Variants in KATNIP observed in about 807,000 individuals in gnomAD.
KATNIP encodes katanin-interacting protein.
A neutral mutation model predicts 174.0 loss-of-function variants in KATNIP; 126 were observed. That is an observed-to-expected ratio of 0.72 (90% CI 0.63 to 0.84). The LOEUF (loss-of-function observed/expected upper bound fraction) is 0.84. Ranked by LOEUF, KATNIP falls within the 40% of genes least tolerant of loss-of-function variation. The pLI is 0.00. For synonymous variants in KATNIP, 810 were observed against 835.7 expected, an observed-to-expected ratio of 0.97 and a Z score of 0.53; for missense variants, 1,958 against 2,109.7, an observed-to-expected ratio of 0.93 and a Z score of 1.41.
chr16:27,754,951 G>A, intron 18 of KATNIP: 1 of 152,326 alleles, frequency 6.6e-6, no homozygotes, highest in Non-Finnish European at 1.5e-5. Flanking sequence ...CTTTTCCATT[G>A]ATCCTTCCAG....
chr16:27,749,540 A>G (rs927138880), intron 15 of KATNIP, 44 bp from the exon 16 acceptor site: 4 of 1,512,260 alleles, frequency 2.6e-6, no homozygotes, highest in East Asian at 2.3e-5. Context: ...ACTTCCACAC[A>G]TGCCACTCAC....
intron 1 of KATNIP, among the ~76,000 whole-genome samples, chr16:27,570,065 A>G (rs1012741788): frequency 6.6e-6 from 1 of 152,114 alleles, no homozygotes; most frequent in African/African-American, 2.4e-5. Flanking sequence ...ACATTTTAGT[A>G]GTTAAGCTCT....
chr16:27,596,899 T>C (rs781016357), intron 2 of KATNIP, among the ~76,000 whole-genome samples: 3 of 152,174 alleles, frequency 2.0e-5, no homozygotes, highest in Admixed American at 6.5e-5. Flanking sequence ...GGCGTGTGCC[T>C]ATAATCCCAG....
rs749729955 is a variant in KATNIP at position 27,749,844 on chromosome 16, G to A, written c.2884G>A (p.Ala962Thr). Reference protein sequence around the residue: ...GQDGYSGETDAGGDFKIPVLP... With the variant: ...GQDGYSGETDTGGDFKIPVLP... Reference sequence around the variant, plus strand: ...GGATGGCTACTCTGGAGAGACAGACGCTGGGGGTGACTTTAAAATCCCCGT... The same window carrying A: ...GGATGGCTACTCTGGAGAGACAGACACTGGGGGTGACTTTAAAATCCCCGT... Residue 962 changes from alanine to threonine, a missense_variant, in exon 16 of 28, where the codon GCT (alanine) becomes ACT (threonine). Transcript: ENST00000261588. 9 of 1,614,102 alleles carry A rather than the reference G, an allele frequency of 5.6e-6. No homozygotes were observed. The highest frequency in any genetic ancestry group is 4.4e-5 in the South Asian group (4 of 91,066).
At chr16:27,704,178 A>G (rs912128790) in intron 12 of KATNIP, among the ~76,000 whole-genome samples, 180 bp downstream of exon 12, 1 of 152,148 alleles carries the variant, frequency 6.6e-6, no homozygotes, top group Admixed American at 6.5e-5. Context: ...GGGTAGAGAA[A>G]GGAAGATGTA....
At chr16:27,768,110 T>G (rs186035720) in intron 20 of KATNIP, among the ~76,000 whole-genome samples, 336 of 152,220 alleles carry the variant, frequency 2.2e-3, no homozygotes, top group African/African-American at 7.6e-3. Flanking sequence ...AATGGGCACG[T>G]GGCCTGAGAT....
Position 27,677,980 on chromosome 16 carries a change from T to TA in KATNIP, c.794dup (p.Asn265LysfsTer8), listed in dbSNP as rs758557870. 6.2e-7 allele frequency: 1 copy of TA among 1,613,900 alleles called. No individual in the cohort carries two copies. Among genetic ancestry groups the TA allele is most frequent in the Non-Finnish European group, 8.5e-7 (1 of 1,179,754 alleles). ...CAGACACCCTCGTGGTGCTGGAATT[T>TA]AACCCAGCTTCCAAAAGTGAGCTCT... is the stretch of plus-strand genomic sequence containing the variant. On this transcript the variant is annotated frameshift_variant, in exon 7 of 28. Transcript: ENST00000261588. LOFTEE classifies it high-confidence loss of function.
At position 27,740,516 on chromosome 16, in the gene KATNIP, T is replaced by C. The variant is rs908506925; in HGVS notation, c.2219T>C (p.Met740Thr). ...PSLIQQLENL[M>T]GRKICEPPGK... ...CTCATCCAACAACTGGAAAACCTCATGGGCAGAAAAATCTGTGAGCCACCC... is the reference window on the plus strand; with the variant it reads ...CTCATCCAACAACTGGAAAACCTCACGGGCAGAAAAATCTGTGAGCCACCC... The change falls in exon 15 of 28, where the codon ATG (methionine) becomes ACG (threonine). Residue 740 changes from methionine (M) to threonine (T), a missense_variant. Met to Thr is a moderately conservative substitution (Grantham distance 81). Transcript: ENST00000261588. The C allele has an allele frequency of 1.2e-6, 2 of 1,614,118 alleles. No individual in the cohort carries two copies. The highest frequency in any genetic ancestry group is 8.5e-7 in the Non-Finnish European group (1 of 1,180,020).
intron 6 of KATNIP, among the ~76,000 whole-genome samples, chr16:27,668,730 G>T (rs1210741413): frequency 6.6e-6 from 1 of 152,218 alleles, no homozygotes; most frequent in Non-Finnish European, 1.5e-5. Flanking sequence ...AGGTGGCTGG[G>T]TGTGGTGGTT....
chr16:27,565,782 T>C (rs1295603414), intron 1 of KATNIP, among the ~76,000 whole-genome samples: 1 of 117,662 alleles, frequency 8.5e-6, no homozygotes, highest in Non-Finnish European at 1.8e-5. Flanking sequence ...AGATGTCTCA[T>C]AAAAAAAACA....
chr16:27,660,851 C>G (rs958735255), intron 6 of KATNIP, among the ~76,000 whole-genome samples: 1 of 152,098 alleles, frequency 6.6e-6, no homozygotes, highest in African/African-American at 2.4e-5. Context: ...AAACACCTTC[C>G]CCCATCCCAG....
At chr16:27,641,575 CAG>C (rs1264933164) in intron 5 of KATNIP, among the ~76,000 whole-genome samples, 1 of 152,194 alleles carries the variant, frequency 6.6e-6, no homozygotes, top group Non-Finnish European at 1.5e-5. Context: ...AAAGCGAAAA[CAG>C]GGTGCTTTTA....
chr16:27,749,846 T>C lies in KATNIP; in HGVS notation c.2886T>C (p.Ala962=), dbSNP rs986856950. 3 of 1,614,138 alleles carry C rather than the reference T, an allele frequency of 1.9e-6. No individual in the cohort carries two copies. Among genetic ancestry groups the C allele is most frequent in the Non-Finnish European group, 2.5e-6 (3 of 1,180,002 alleles). The change falls in exon 16 of 28, where the codon GCT becomes GCC. Residue 962 remains alanine (A), a synonymous_variant. Transcript: ENST00000261588. ...ATGGCTACTCTGGAGAGACAGACGCTGGGGGTGACTTTAAAATCCCCGTCT... is the reference window on the plus strand; with the variant it reads ...ATGGCTACTCTGGAGAGACAGACGCCGGGGGTGACTTTAAAATCCCCGTCT... ...GQDGYSGETD[A]GGDFKIPVLP... is the part of the protein sequence containing the mutation.
intron 2 of KATNIP, among the ~76,000 whole-genome samples, chr16:27,602,043 A>G (rs2075543830): frequency 2.0e-5 from 3 of 152,178 alleles, no homozygotes; most frequent in African/African-American, 2.4e-5. Flanking sequence ...GACAGGTAAA[A>G]GTGGCCCTAA....
At chr16:27,757,747 C>T (rs186577695) in intron 18 of KATNIP, among the ~76,000 whole-genome samples, 19 of 152,312 alleles carry the variant, frequency 1.2e-4, no homozygotes, top group African/African-American at 4.3e-4. Context: ...TCACCGTATT[C>T]AAAATCCTCA....
At chr16:27,708,330 G>A (rs912466411) in intron 12 of KATNIP, 9 of 184,598 alleles carry the variant, frequency 4.9e-5, no homozygotes, top group African/African-American at 1.9e-4. Context: ...GCCTTAGCAC[G>A]TAACACCTAC....
chr16:27,573,848 A>C (rs1006980033), intron 1 of KATNIP, 53 bp from the exon 2 acceptor site: 1 of 1,548,830 alleles, frequency 6.5e-7, no homozygotes, highest in African/African-American at 1.4e-5. Flanking sequence ...GTGTTGATAA[A>C]CTAGCTGTTC....
Position 27,703,974 on chromosome 16 carries a change from C to A in KATNIP, c.1365C>A (p.Thr455=). ...ATCTCGGCAGGGTGGTTTCACCAAC[C>A]AAGGAGCAAGTATCAGACACAGAGG... ...SAHLGRVVSP[T]KEQVSDTEDK... is the part of the protein sequence containing the mutation. The change falls in exon 12 of 28, where the codon ACC becomes ACA. Residue 455 remains threonine (T), a synonymous_variant. Coordinates refer to ENST00000261588, the MANE Select transcript of KATNIP (RefSeq NM_015202.5). The A allele has an allele frequency of 6.2e-7, 1 of 1,614,082 alleles. No individual in the cohort carries two copies. The highest frequency in any genetic ancestry group is 8.5e-7 in the Non-Finnish European group (1 of 1,179,944).
intron 2 of KATNIP, among the ~76,000 whole-genome samples, chr16:27,612,714 G>A (rs569102961): frequency 7.2e-5 from 11 of 151,744 alleles, no homozygotes; most frequent in Non-Finnish European, 1.5e-4. Flanking sequence ...AGCCAAGATC[G>A]CACCACTGAA....
Sources: gnomAD v4.1 joint callset for allele counts (sites outside exome capture counted in the v4.1 genomes callset) on GRCh38, gnomAD v4.1.1 for gene constraint, MANE v1.5 for transcripts, NCBI Gene and HGNC (gene_info 2026-07-23, HGNC 2026-07-21) for gene names.